Variants in MTOR observed in about 807,000 individuals in gnomAD.
MTOR encodes the protein serine/threonine-protein kinase mTOR.
A neutral mutation model predicts 319.8 loss-of-function variants in MTOR; 70 were observed. The ratio of observed to expected loss-of-function variants is 0.22; its 90% CI spans 0.18 to 0.27. MTOR has a LOEUF of 0.27. Among genes scored for constraint, MTOR ranks in the 10% least tolerant of loss-of-function variants. MTOR has a pLI of 1.00. For missense variants in MTOR, 1,890 were observed against 3,274.4 expected, an observed-to-expected ratio of 0.58 and a Z score of 10.32; for synonymous variants, 1,183 against 1,211.4, an observed-to-expected ratio of 0.98 and a Z score of 0.49.
intron 11 of MTOR, among the ~76,000 whole-genome samples, chr1:11,238,929 A>ATTTT (rs35499063): frequency 7.2e-6 from 1 of 139,482 alleles, no homozygotes; most frequent in Non-Finnish European, 1.5e-5. Flanking sequence ...CGCCTGGCTA[A>ATTTT]TTTTTTTTTT....
intron 24 of MTOR, among the ~76,000 whole-genome samples, chr1:11,210,134 G>A (rs1332773099): frequency 6.6e-6 from 1 of 152,092 alleles, no homozygotes; most frequent in Non-Finnish European, 1.5e-5. Flanking sequence ...TCTCAAAGTT[G>A]TGGGATTACA....
At position 11,235,972 on chromosome 1, in the gene MTOR, CTG is replaced by C. The variant is rs1164385527; in HGVS notation, c.2209-1709_2209-1708del. Among the ~76,000 whole-genome samples the C allele has an allele frequency of 2.0e-5, 3 of 151,106 alleles. No homozygotes were observed. The East Asian group carries it at 5.9e-4, about 29-fold the overall frequency. On this transcript the variant is annotated intron_variant, in intron 13 of 57. Coordinates refer to ENST00000361445, the MANE Select transcript of MTOR (RefSeq NM_004958.4). ...ACTCCAGCCTGGCGACAGAGCGAGA[CTG>C]TGTCTCAAAAAAAAAAAAGAAAGAA...
rs1285222493 is a variant in MTOR, at chr1:11,258,546, G to A, written c.210C>T (p.His70=). Residue 70 remains histidine (H), a synonymous_variant, in exon 3 of 58, where the codon CAC becomes CAT. Coordinates refer to ENST00000361445, the MANE Select transcript of MTOR (RefSeq NM_004958.4). ...CTGAGCTGGAAACCAATTCAAAAAT[G>A]TGATGGTTCAGTTGGTCATAGAAGC... is the stretch of plus-strand genomic sequence containing the variant. ...STRFYDQLNH[H]IFELVSSSDA... is the part of the protein sequence containing the mutation. The A allele has an allele frequency of 6.2e-7, 1 of 1,614,026 alleles. No individual in the cohort carries two copies. Among genetic ancestry groups the A allele is most frequent in the South Asian group, 1.1e-5 (1 of 91,090 alleles).
chr1:11,257,566 GAAAAAAAAAAAAAA>G (rs70977557), intron 3 of MTOR, among the ~76,000 whole-genome samples: 11 of 64,842 alleles, frequency 1.7e-4, no homozygotes, highest in African/African-American at 6.4e-4. Context: ...CTGTCTCAGA[GAAAAAAAAAAAAAA>G]AAAAAAAAAA....
intron 28 of MTOR, among the ~76,000 whole-genome samples, chr1:11,170,680 C>CTT (rs774656512): frequency 7.0e-6 from 1 of 142,784 alleles, no homozygotes. Context: ...CTATCCTTTT[C>CTT]TTTTTTTTTT....
intron 28 of MTOR, among the ~76,000 whole-genome samples, chr1:11,177,773 T>C (rs1204161391): frequency 6.6e-6 from 1 of 151,988 alleles, no homozygotes; most frequent in Non-Finnish European, 1.5e-5. Context: ...GATTAGGAAG[T>C]GCGTGGGGGA....
At chr1:11,178,335 G>A (rs1645050812) in intron 28 of MTOR, among the ~76,000 whole-genome samples, 1 of 152,198 alleles carries the variant, frequency 6.6e-6, no homozygotes, top group Non-Finnish European at 1.5e-5. Flanking sequence ...GAATAAGGCA[G>A]AGAGAGGTGC....
intron 20 of MTOR, among the ~76,000 whole-genome samples, chr1:11,214,828 C>A (rs1646417938): frequency 6.6e-6 from 1 of 152,154 alleles, no homozygotes; most frequent in African/African-American, 2.4e-5. Flanking sequence ...TGTTCATCCA[C>A]TTGAACCCTA....
Position 11,164,637 on chromosome 1 carries a change from C to G in MTOR, c.4329+2805G>C, listed in dbSNP as rs531727420. 2.9e-4 allele frequency among the ~76,000 whole-genome samples: 44 copies of G among 152,280 alleles called. No homozygotes were observed. In the South Asian group the frequency reaches 8.9e-3, roughly 31 times the overall value. On this transcript the variant is annotated intron_variant, in intron 29 of 57. Coordinates refer to ENST00000361445, the MANE Select transcript of MTOR (RefSeq NM_004958.4). ...CAAACAAAAAAAGTCCAGGACTAGA[C>G]AGGTTCACAGCCGAATTCTACCAGT... is the stretch of plus-strand genomic sequence containing the variant.
In MTOR at chr1:11,128,468, G is replaced by A. The variant is rs922525420; in HGVS notation, c.5896C>T (p.Arg1966Trp). The change falls in exon 42 of 58, where the codon CGG becomes TGG. Residue 1966 changes from arginine to tryptophan, a missense_variant. By Grantham distance (101) the Arg-to-Trp change is moderately radical. Around this residue, in one of 15 missense-constraint regions of MTOR, gnomAD observed 249 missense variants for 596.2 expected, o/e 0.42. Transcript: ENST00000361445. The surrounding 1 kb of genome is among the most constrained non-coding windows in gnomAD (Gnocchi z 5.3). ...LIHQLLTDIG[R>W]YHPQALIYPL... ...TCTCCACATACCTGGGGGTGGTACC[G>A]ACCAATGTCTGTGAGAAGCTGGTGA... The A allele has an allele frequency of 3.1e-6, 5 of 1,614,084 alleles. No homozygotes were observed. The highest frequency in any genetic ancestry group is 2.2e-5 in the East Asian group (1 of 44,872).
At chr1:11,241,793 A>T in intron 9 of MTOR, 112 bp from the exon 10 acceptor site, 1 of 1,211,372 alleles carries the variant, frequency 8.3e-7, no homozygotes, top group Non-Finnish European at 1.2e-6. Context: ...GCTACCACAG[A>T]TGGGTATGCA....
Position 11,115,355 on chromosome 1 carries a change from A to C in MTOR, c.7089+41T>G. 1 of 1,577,644 alleles carries C rather than the reference A, an allele frequency of 6.3e-7. No homozygotes were observed. Among genetic ancestry groups the C allele is most frequent in the Non-Finnish European group, 8.7e-7 (1 of 1,147,002 alleles). ...TGTCAGAGGAGGGGGAAAAGTGATC[A>C]CCCGGGAAGATGAGGTTGGGGTTCT... is the stretch of plus-strand genomic sequence containing the variant. On this transcript the variant is annotated intron_variant, in intron 51 of 57. Coordinates refer to ENST00000361445, the MANE Select transcript of MTOR (RefSeq NM_004958.4). The surrounding 1 kb of genome is among the most constrained non-coding windows in gnomAD (Gnocchi z 4.5).
intron 28 of MTOR, among the ~76,000 whole-genome samples, chr1:11,187,781 T>C (rs7555071): frequency 0.99 from 150,545 of 152,322 alleles, 74,433 homozygotes; most frequent in East Asian, 1. Context: ...GCTAAGGCTG[T>C]GGTGCCCAGC....
At chr1:11,229,201 C>T (rs1182461761) in intron 18 of MTOR, among the ~76,000 whole-genome samples, 1 of 152,140 alleles carries the variant, frequency 6.6e-6, no homozygotes, top group Non-Finnish European at 1.5e-5. Flanking sequence ...TTTAATTTAG[C>T]TTCTTACCGT....
rs775369231 is a variant in MTOR at position 11,128,480 on chromosome 1, T to C, written c.5884A>G (p.Thr1962Ala). The C allele has an allele frequency of 1.9e-6, 3 of 1,613,890 alleles. No individual in the cohort carries two copies. Among genetic ancestry groups the C allele is most frequent in the Non-Finnish European group, 2.5e-6 (3 of 1,179,774 alleles). ...TGGGGGTGGTACCGACCAATGTCTG[T>C]GAGAAGCTGGTGAATGAGACGTCCC... Reference protein sequence around the residue: ...LVGRLIHQLLTDIGRYHPQAL... With the variant: ...LVGRLIHQLLADIGRYHPQAL... The change falls in exon 42 of 58, where the codon ACA (threonine) becomes GCA (alanine). Residue 1962 changes from threonine to alanine, a missense_variant. Physicochemically the swap from Thr to Ala is moderately conservative, Grantham distance 58. This residue lies in a region of MTOR where 249 missense variants were observed against 596.2 expected (regional missense o/e 0.42). Transcript: ENST00000361445. This position sits in a 1 kb window ranked among gnomAD's most constrained non-coding sequence, Gnocchi z 5.3.
chr1:11,224,166 G>C (rs1278180905), intron 19 of MTOR, among the ~76,000 whole-genome samples: 2 of 151,876 alleles, frequency 1.3e-5, no homozygotes, highest in African/African-American at 4.8e-5. Context: ...TTTTAAATTG[G>C]ATTAAAAAGA....
intron 36 of MTOR, among the ~76,000 whole-genome samples, chr1:11,134,761 C>A (rs1643325228): frequency 6.6e-6 from 1 of 152,196 alleles, no homozygotes; most frequent in Admixed American, 6.5e-5. Context: ...AATAAAAATT[C>A]CTACAAAGTA....
In MTOR at chr1:11,122,087, C is replaced by T. The variant is rs2100363220; in HGVS notation, c.6702G>A (p.Ser2234=). ...AGTGGGGAACCCAGCCAATGAGGCCCGAGTTGGTCGATAAAGGGATGACAG... is the reference window on the plus strand; with the variant it reads ...AGTGGGGAACCCAGCCAATGAGGCCTGAGTTGGTCGATAAAGGGATGACAG... ...RYAVIPLSTN[S]GLIGWVPHCD... Residue 2234 remains serine, a synonymous_variant, in exon 48 of 58, where the codon TCG becomes TCA. Transcript: ENST00000361445. The T allele has an allele frequency of 3.1e-6, 5 of 1,614,150 alleles. No homozygotes were observed. Among genetic ancestry groups the T allele is most frequent in the Non-Finnish European group, 3.4e-6 (4 of 1,180,024 alleles).
At chr1:11,178,516 A>G (rs1350504972) in intron 28 of MTOR, among the ~76,000 whole-genome samples, 3 of 152,226 alleles carry the variant, frequency 2.0e-5, no homozygotes, top group Non-Finnish European at 4.4e-5. Flanking sequence ...CCAGTTAATT[A>G]CTTCCAACTT....
Sources: allele counts gnomAD v4.1 joint callset (sites outside exome capture counted in the v4.1 genomes callset), GRCh38; gene constraint gnomAD v4.1.1; regional missense constraint gnomAD v4.1.1; non-coding constraint Gnocchi (gnomAD v3.1); transcripts MANE v1.5; gene names NCBI Gene and HGNC (gene_info 2026-07-23, HGNC 2026-07-21).